The following KIAA1217 variants were observed in gnomAD, a reference collection of about 807,000 sequenced individuals.
The protein encoded by KIAA1217 is KIAA1217.
KIAA1217 carries 88 observed loss-of-function variants against 163.9 expected under a neutral mutation model. That is an observed-to-expected ratio of 0.54 (90% CI 0.45 to 0.64). The LOEUF is 0.64. Among genes scored for constraint, KIAA1217 ranks in the 30% least tolerant of loss-of-function variants. The pLI is 0.00. For synonymous variants in KIAA1217, 903 were observed against 923.1 expected (o/e 0.98, Z 0.39); for missense variants, 2,372 against 2,475.0 (o/e 0.96, Z 0.88).
intron 2 of KIAA1217, among the ~76,000 whole-genome samples, chr10:24,309,333 C>T (rs997154674): frequency 1.0e-4 from 9 of 89,640 alleles, no homozygotes; most frequent in African/African-American, 2.2e-4. Flanking sequence ...GACAAATAGG[C>T]GCGCGCACGC....
chr10:24,373,453 A>C (rs1003975314), intron 2 of KIAA1217, among the ~76,000 whole-genome samples: 1 of 152,120 alleles, frequency 6.6e-6, no homozygotes, highest in African/African-American at 2.4e-5. Context: ...CCTCTGTAGC[A>C]TGGGGATACC....
chr10:24,119,792 T>C (rs912467379), intron 2 of KIAA1217, among the ~76,000 whole-genome samples: 2 of 152,202 alleles, frequency 1.3e-5, no homozygotes, highest in African/African-American at 2.4e-5. Flanking sequence ...AGCAGTTATT[T>C]TGGGGAAGAG....
At chr10:24,195,724 G>A (rs566810558) in intron 2 of KIAA1217, among the ~76,000 whole-genome samples, 1 of 152,332 alleles carries the variant, frequency 6.6e-6, no homozygotes, top group Non-Finnish European at 1.5e-5. Context: ...AGCCACTGAG[G>A]AGCAAATCTT....
At position 24,097,479 on chromosome 10, in the gene KIAA1217, G is replaced by A. The variant is rs149810102; in HGVS notation, c.-171+90105G>A. ...GAGGAGGGAGGATCACTTGAGCCTA[G>A]GAGGTGGAGGCTGTAGTCACATCAC... On this transcript the variant is annotated intron_variant, in intron 2 of 18. Coordinates refer to the KIAA1217 transcript ENST00000376462. 8.5e-5 allele frequency among the ~76,000 whole-genome samples: 13 copies of A among 152,268 alleles called. No individual in the cohort carries two copies. In the East Asian group the frequency reaches 2.5e-3, roughly 29 times the overall value.
intron 1 of KIAA1217, among the ~76,000 whole-genome samples, chr10:23,793,819 G>A (rs997737112): frequency 6.6e-6 from 1 of 152,132 alleles, no homozygotes; most frequent in African/African-American, 2.4e-5. Context: ...ACTCAAAACT[G>A]ACAGAGATAA....
At position 23,869,124 on chromosome 10, in the gene KIAA1217, G is replaced by GTTTTTTTTTTTT. The variant is rs58288361; in HGVS notation, c.-320-138082_-320-138071dup. 1.3e-3 allele frequency among the ~76,000 whole-genome samples: 41 copies of GTTTTTTTTTTTT among 31,724 alleles called. 12 individuals are homozygous for GTTTTTTTTTTTT. Among genetic ancestry groups the GTTTTTTTTTTTT allele is most frequent in the African/African-American group, 4.7e-3 (39 of 8,288 alleles). The allele number at this position is 31,724 out of a possible 152,430, so 20.8% of individuals were successfully genotyped here. ...GTGTAACGTGCAATCATGAAATGTA[G>GTTTTTTTTTTTT]TTTTTTTTTTTTTTTTTTTTTTTTT... On this transcript the variant is annotated intron_variant, in intron 1 of 18. Coordinates refer to the KIAA1217 transcript ENST00000376462.
At chr10:23,830,170 T>G (rs1317584987) in intron 1 of KIAA1217, among the ~76,000 whole-genome samples, 1 of 152,144 alleles carries the variant, frequency 6.6e-6, no homozygotes, top group Non-Finnish European at 1.5e-5. Context: ...GTAAGGTAAA[T>G]TATCAATTTA....
chr10:24,378,781 G>A (rs1304574290), intron 2 of KIAA1217, among the ~76,000 whole-genome samples: 1 of 152,140 alleles, frequency 6.6e-6, no homozygotes, highest in Non-Finnish European at 1.5e-5. Context: ...CTGCTAATAT[G>A]TAGTGATCGT....
At chr10:23,871,843 G>A (rs1840470462) in intron 1 of KIAA1217, among the ~76,000 whole-genome samples, 1 of 152,044 alleles carries the variant, frequency 6.6e-6, no homozygotes, top group Non-Finnish European at 1.5e-5. Flanking sequence ...AGTAATAATA[G>A]CATCACCAAC....
At chr10:23,831,032 T>G (rs986717732) in intron 1 of KIAA1217, among the ~76,000 whole-genome samples, 1 of 151,986 alleles carries the variant, frequency 6.6e-6, no homozygotes, top group Non-Finnish European at 1.5e-5. Context: ...CTGAGCTGAG[T>G]TGACCTCCAA....
intron 2 of KIAA1217, among the ~76,000 whole-genome samples, chr10:24,061,897 T>A (rs1288005978): frequency 3.3e-5 from 5 of 152,186 alleles, no homozygotes; most frequent in African/African-American, 4.8e-5. Flanking sequence ...GTCCTCTGGA[T>A]TTCCTGGATC....
chr10:24,471,154 A>G (rs953390806), intron 5 of KIAA1217, among the ~76,000 whole-genome samples: 4 of 152,162 alleles, frequency 2.6e-5, no homozygotes, highest in Non-Finnish European at 5.9e-5. Context: ...TGGTGCCTCT[A>G]CTATCCCTAC....
At chr10:24,003,704 T>C (rs1846858239) in intron 1 of KIAA1217, among the ~76,000 whole-genome samples, 1 of 152,228 alleles carries the variant, frequency 6.6e-6, no homozygotes, top group African/African-American at 2.4e-5. Flanking sequence ...TATCACAGGA[T>C]AACTCTGATG....
chr10:23,916,474 A>G (rs1842636244), intron 1 of KIAA1217, among the ~76,000 whole-genome samples: 1 of 152,092 alleles, frequency 6.6e-6, no homozygotes, highest in South Asian at 2.1e-4. Flanking sequence ...TATCTTCTTC[A>G]ACTAGAGGTA....
At chr10:24,540,273 G>A (rs953132408) in intron 17 of KIAA1217, among the ~76,000 whole-genome samples, 1 of 152,014 alleles carries the variant, frequency 6.6e-6, no homozygotes, top group Admixed American at 6.6e-5. Context: ...TCGCTCTCTC[G>A]CCCAGGCTGG....
chr10:24,188,993 C>G (rs2066580422), intron 2 of KIAA1217, among the ~76,000 whole-genome samples: 1 of 151,462 alleles, frequency 6.6e-6, no homozygotes, highest in Non-Finnish European at 1.5e-5. Flanking sequence ...GTAGTCCCAG[C>G]TACTCTGGTA....
At chr10:23,728,284 G>A (rs1161315845) in intron 1 of KIAA1217, among the ~76,000 whole-genome samples, 2 of 152,136 alleles carry the variant, frequency 1.3e-5, no homozygotes, top group Non-Finnish European at 1.5e-5. Flanking sequence ...CCCACCAATA[G>A]CGTGAAAGTG....
chr10:24,240,051 A>C (rs1437987853), intron 2 of KIAA1217, among the ~76,000 whole-genome samples: 1 of 152,170 alleles, frequency 6.6e-6, no homozygotes, highest in African/African-American at 2.4e-5. Context: ...GGTTTAAAAG[A>C]AAATACTGGT....
chr10:24,500,470 T>C (rs2067429237), intron 8 of KIAA1217, among the ~76,000 whole-genome samples: 2 of 152,178 alleles, frequency 1.3e-5, no homozygotes, highest in South Asian at 2.1e-4. Flanking sequence ...CCTGTATCAA[T>C]AGAATTGCAT....
Sources: allele counts gnomAD v4.1 joint callset (sites outside exome capture counted in the v4.1 genomes callset), GRCh38; gene constraint gnomAD v4.1.1; transcripts MANE v1.5; gene names NCBI Gene and HGNC (gene_info 2026-07-23, HGNC 2026-07-21).